CFAP54: variants seen among roughly 807,000 people sequenced by gnomAD.
The protein encoded by CFAP54 is cilia and flagella associated protein 54, also known as cilia- and flagella-associated protein 54.
Under a neutral mutation model 370.4 loss-of-function variants are expected in CFAP54, and 290 were observed. The ratio of observed to expected loss-of-function variants is 0.78; its 90% CI spans 0.71 to 0.86. CFAP54 has a LOEUF of 0.86. Among genes scored for constraint, CFAP54 ranks in the 40% least tolerant of loss-of-function variants. CFAP54 has a pLI of 0.00. For synonymous variants in CFAP54, 1,206 were observed against 1,236.5 expected, an observed-to-expected ratio of 0.98 and a Z score of 0.52; for missense variants, 3,399 against 3,528.7, an observed-to-expected ratio of 0.96 and a Z score of 0.93.
chr12:96,859,198 G>A (rs1421071057), intron 66 of CFAP54, among the ~76,000 whole-genome samples: 2 of 152,170 alleles, frequency 1.3e-5, no homozygotes, highest in African/African-American at 4.8e-5. Flanking sequence ...TAGCTGGCTA[G>A]CCATAAGCAG....
rs1045149860 is a variant in CFAP54, at chr12:96,657,945, G to A, written c.5164G>A (p.Gly1722Ser). 18 of 1,613,622 alleles carry A rather than the reference G, an allele frequency of 1.1e-5. 1 individual carries two copies. The highest frequency in any genetic ancestry group is 1.7e-4 in the Middle Eastern group (1 of 6,060). The change falls in exon 37 of 68, where the codon GGT becomes AGT. Residue 1722 changes from glycine (G) to serine (S), a missense_variant. This residue lies in a region of CFAP54 where 2,796 missense variants were observed against 2,869.7 expected (regional missense o/e 0.97). Transcript: ENST00000524981. ...TTATGGGAATATTAAAAATGACAAC[G>A]GTGGTTCTAGTCTTACCTTTGAGCA... Reference protein sequence around the residue: ...SCYGNIKNDNGGSSLTFEHPL... With the variant: ...SCYGNIKNDNSGSSLTFEHPL...
intron 32 of CFAP54, 88 bp from the exon 33 acceptor site, chr12:96,644,090 A>G (rs1956763714): frequency 2.4e-6 from 2 of 828,990 alleles, no homozygotes; most frequent in Admixed American, 2.6e-5. Context: ...TGACTTATTG[A>G]TGTATTATTT....
At chr12:96,614,716 A>G (rs1294320437) in intron 26 of CFAP54, among the ~76,000 whole-genome samples, 1 of 152,234 alleles carries the variant, frequency 6.6e-6, no homozygotes, top group Non-Finnish European at 1.5e-5. Flanking sequence ...CTTATACACC[A>G]ATAACAGACA....
intron 33 of CFAP54, chr12:96,646,777 A>G: frequency 6.6e-6 from 1 of 152,244 alleles, no homozygotes; most frequent in Admixed American, 6.5e-5. Context: ...CAGCCATAAA[A>G]AATGATGAGT....
chr12:96,579,584 A>G (rs1164246846), intron 20 of CFAP54, among the ~76,000 whole-genome samples: 1 of 151,992 alleles, frequency 6.6e-6, no homozygotes, highest in East Asian at 1.9e-4. Context: ...AGGCAATTGT[A>G]TTTTTCCTTC....
chr12:96,705,773 G>T (rs1036341281), intron 47 of CFAP54, among the ~76,000 whole-genome samples: 3 of 152,098 alleles, frequency 2.0e-5, no homozygotes, highest in Non-Finnish European at 4.4e-5. Context: ...TGCATAAAGG[G>T]AAAGAAGGGA....
Position 96,500,876 on chromosome 12 carries a change from G to C in CFAP54, c.360G>C (p.Arg120Ser). 1 of 1,535,668 alleles carries C rather than the reference G, an allele frequency of 6.5e-7. No individual in the cohort carries two copies. Among genetic ancestry groups the C allele is most frequent in the South Asian group, 1.2e-5 (1 of 84,004 alleles). ...LFNIWTKYAPRLPADYYNEKL... is the reference protein window; with the variant it reads ...LFNIWTKYAPSLPADYYNEKL... ...ATATCTGGACTAAATACGCCCCCAG[G>C]CTGCCAGCAGACTATTACAACGAAA... The change falls in exon 2 of 68, where the codon AGG (arginine) becomes AGC (serine). Residue 120 changes from arginine to serine, a missense_variant. Physicochemically the swap from Arg to Ser is moderately radical, Grantham distance 110 (BLOSUM62 -1). Around this residue, in one of 3 missense-constraint regions of CFAP54, gnomAD observed 559 missense variants for 576.7 expected, o/e 0.97. Transcript: ENST00000524981.
intron 9 of CFAP54, among the ~76,000 whole-genome samples, chr12:96,532,378 T>A (rs995500878): frequency 2.6e-5 from 4 of 152,190 alleles, no homozygotes; most frequent in Non-Finnish European, 4.4e-5. Flanking sequence ...TGGGTGCACA[T>A]GTGTATGCGA....
intron 46 of CFAP54, among the ~76,000 whole-genome samples, chr12:96,701,864 G>C (rs1445143202): frequency 6.6e-6 from 1 of 152,112 alleles, no homozygotes; most frequent in African/African-American, 2.4e-5. Flanking sequence ...AATAAGATGG[G>C]AAACTGCGCA....
At chr12:96,853,156 C>G (rs1290128455) in intron 66 of CFAP54, among the ~76,000 whole-genome samples, 1 of 151,780 alleles carries the variant, frequency 6.6e-6, no homozygotes, top group Non-Finnish European at 1.5e-5. Context: ...ATTCATAACA[C>G]CAAAAAATTG....
intron 42 of CFAP54, among the ~76,000 whole-genome samples, chr12:96,686,158 A>G (rs1957327781): frequency 6.6e-6 from 1 of 152,216 alleles, no homozygotes; most frequent in South Asian, 2.1e-4. Context: ...GGTGTTGGTT[A>G]ATTGGTTTCT....
chr12:96,588,471 A>G (rs1956093494), intron 22 of CFAP54, among the ~76,000 whole-genome samples: 6 of 152,272 alleles, frequency 3.9e-5, no homozygotes, highest in Admixed American at 2.0e-4. Flanking sequence ...GTTTGATACC[A>G]TCTCTATCTA....
intron 17 of CFAP54, among the ~76,000 whole-genome samples, chr12:96,557,634 A>G (rs1434032693): frequency 1.3e-5 from 2 of 152,114 alleles, no homozygotes; most frequent in African/African-American, 4.8e-5. Flanking sequence ...TGAATTCTAG[A>G]AACATAATTT....
At position 96,649,947 on chromosome 12, in the gene CFAP54, A is replaced by C. The variant is rs776457571; in HGVS notation, c.4747A>C (p.Lys1583Gln). The part of the protein sequence containing the change: ...NSIMSDENMS[K>Q]TQTVYDSDSQ... Reference sequence around the variant, plus strand: ...CATAATGAGTGATGAAAATATGTCCAAGACACAAACAGTTTATGACTCAGA... The same window carrying C: ...CATAATGAGTGATGAAAATATGTCCCAGACACAAACAGTTTATGACTCAGA... Residue 1583 changes from lysine to glutamine, a missense_variant, in exon 35 of 68, where the codon AAG becomes CAG. Lys to Gln is a moderately conservative substitution (Grantham distance 53, BLOSUM62 1). Transcript: ENST00000524981. 35 of 1,612,212 alleles carry C rather than the reference A, an allele frequency of 2.2e-5. No individual in the cohort carries two copies. The highest frequency in any genetic ancestry group is 4.4e-5 in the South Asian group (4 of 90,664).
chr12:96,615,175 T>G (rs1157274226), intron 26 of CFAP54, among the ~76,000 whole-genome samples: 1 of 152,132 alleles, frequency 6.6e-6, no homozygotes. Context: ...TATAGATCAA[T>G]GGAACAGAAC....
intron 49 of CFAP54, among the ~76,000 whole-genome samples, chr12:96,720,143 A>T (rs1443455960): frequency 6.6e-6 from 1 of 152,194 alleles, no homozygotes; most frequent in Non-Finnish European, 1.5e-5. Flanking sequence ...GAACATAACT[A>T]CTGTGAATAG....
intron 45 of CFAP54, 82 bp from the exon 46 acceptor site, chr12:96,699,889 T>C (rs2136576645): frequency 1.7e-6 from 2 of 1,184,586 alleles, no homozygotes; most frequent in South Asian, 3.0e-5. Flanking sequence ...TCTCAGAAAG[T>C]TGACGATTTT....
At chr12:96,774,201 C>T (rs1958492103) in intron 60 of CFAP54, among the ~76,000 whole-genome samples, 1 of 151,822 alleles carries the variant, frequency 6.6e-6, no homozygotes, top group Non-Finnish European at 1.5e-5. Flanking sequence ...TTATGAAAAT[C>T]AACATTTTAG....
intron 19 of CFAP54, among the ~76,000 whole-genome samples, chr12:96,569,740 G>A (rs536357526): frequency 2.6e-5 from 4 of 152,094 alleles, no homozygotes; most frequent in Non-Finnish European, 5.9e-5. Flanking sequence ...CTAATTTATG[G>A]TACCATTTTG....
Sources: gnomAD v4.1 joint callset for allele counts (sites outside exome capture counted in the v4.1 genomes callset) on GRCh38, gnomAD v4.1.1 for gene constraint, gnomAD v4.1.1 regional missense constraint, MANE v1.5 for transcripts, NCBI Gene and HGNC (gene_info 2026-07-23, HGNC 2026-07-21) for gene names.